Variants in RPRD1A observed in about 807,000 individuals in gnomAD.
RPRD1A encodes the protein regulation of nuclear pre-mRNA domain containing 1A, also known as regulation of nuclear pre-mRNA domain-containing protein 1A.
RPRD1A carries 9 observed loss-of-function variants against 37.8 expected under a neutral mutation model. The observed-to-expected ratio is 0.24, with a 90% CI of 0.14 to 0.42. The LOEUF is 0.42. Among genes scored for constraint, RPRD1A ranks in the 10% least tolerant of loss-of-function variants. The pLI is 1.00. For synonymous variants in RPRD1A, 138 were observed against 139.7 expected (o/e 0.99, Z 0.08); for missense variants, 255 against 371.0 (o/e 0.69, Z 2.57).
intron 1 of RPRD1A, among the ~76,000 whole-genome samples, chr18:36,043,760 T>C (rs935655674): frequency 6.6e-6 from 1 of 152,238 alleles, no homozygotes; most frequent in Non-Finnish European, 1.5e-5. Flanking sequence ...GTTTATTATG[T>C]ATCTCATTTA....
intron 1 of RPRD1A, chr18:36,062,967 T>C (rs1304341075): frequency 1.3e-5 from 2 of 152,158 alleles, no homozygotes; most frequent in South Asian, 4.1e-4. Flanking sequence ...AGTAACAAAA[T>C]GGTCACTTAC....
At chr18:36,047,906 CT>C (rs1313504759) in intron 1 of RPRD1A, among the ~76,000 whole-genome samples, 5 of 152,038 alleles carry the variant, frequency 3.3e-5, no homozygotes, top group African/African-American at 1.2e-4. Flanking sequence ...TTTAAAGAAT[CT>C]TTAAAATTCT....
intron 6 of RPRD1A, among the ~76,000 whole-genome samples, chr18:35,998,222 G>C (rs761437595): frequency 5.9e-5 from 9 of 152,072 alleles, no homozygotes; most frequent in Admixed American, 4.6e-4. Flanking sequence ...AGCTGGGTGT[G>C]GTGGCGGCAC....
intron 1 of RPRD1A, among the ~76,000 whole-genome samples, chr18:36,059,138 T>C (rs1202426914): frequency 6.6e-6 from 1 of 152,132 alleles, no homozygotes; most frequent in African/African-American, 2.4e-5. Flanking sequence ...TTACAATGTG[T>C]CCATTTGTAA....
At position 36,019,102 on chromosome 18, in the gene RPRD1A, A is replaced by ATTTTTT. The variant is rs946306446; in HGVS notation, c.789+7792_789+7797dup. On this transcript the variant is annotated intron_variant, in intron 6 of 6. Transcript: ENST00000399022. The stretch of plus-strand genomic sequence containing the variant: ...TCCAAAAGTGTAATGGGGACCATTG[A>ATTTTTT]TTTTTTTTTTTTTTTTTTTTTTGGA... Among the ~76,000 whole-genome samples, 10 of 118,532 alleles carry ATTTTTT rather than the reference A, an allele frequency of 8.4e-5. No homozygotes were observed. In the East Asian group the frequency reaches 1.2e-3, roughly 14 times the overall value. 77.8% of individuals were successfully genotyped at this position (118,532 alleles called of 152,430 possible).
At chr18:36,026,820 A>G in intron 6 of RPRD1A, 80 bp downstream of exon 6, 1 of 1,350,412 alleles carries the variant, frequency 7.4e-7, no homozygotes, top group South Asian at 1.5e-5. Context: ...CAAAATGTGC[A>G]CATAGATTAA....
intron 1 of RPRD1A, among the ~76,000 whole-genome samples, chr18:36,064,723 G>C (rs115347092): frequency 1.3e-5 from 2 of 152,106 alleles, no homozygotes; most frequent in East Asian, 1.9e-4. Flanking sequence ...AATAAAAGCA[G>C]GCCACCCAAA....
chr18:36,053,684 G>C (rs1913558004), intron 1 of RPRD1A, among the ~76,000 whole-genome samples: 2 of 152,152 alleles, frequency 1.3e-5, no homozygotes, highest in African/African-American at 4.8e-5. Flanking sequence ...ATATACCTAG[G>C]AGTGAAATTA....
At chr18:36,010,453 A>G (rs995040946) in intron 6 of RPRD1A, among the ~76,000 whole-genome samples, 8 of 152,208 alleles carry the variant, frequency 5.3e-5, no homozygotes, top group Non-Finnish European at 1.0e-4. Flanking sequence ...TGATCGTGCC[A>G]CTGCACTCCA....
chr18:35,993,439 AT>A (rs1908833621), intron 6 of RPRD1A, 139 bp from the exon 7 acceptor site: 1 of 765,524 alleles, frequency 1.3e-6, no homozygotes, highest in Admixed American at 3.3e-5. Context: ...GAGTTTTCAC[AT>A]CAAAAGATGA....
At chr18:36,039,170 T>C (rs1036586352) in intron 1 of RPRD1A, among the ~76,000 whole-genome samples, 2 of 152,158 alleles carry the variant, frequency 1.3e-5, no homozygotes, top group South Asian at 2.1e-4. Flanking sequence ...CCAAATCTCA[T>C]GTCAAATTAT....
chr18:36,039,320 T>G (rs1912423151), intron 1 of RPRD1A, among the ~76,000 whole-genome samples: 1 of 152,206 alleles, frequency 6.6e-6, no homozygotes. Flanking sequence ...TATAGCAATG[T>G]GAGAGGAGAC....
chr18:35,997,889 A>G (rs1361193137), intron 6 of RPRD1A, among the ~76,000 whole-genome samples: 1 of 152,224 alleles, frequency 6.6e-6, no homozygotes, highest in Non-Finnish European at 1.5e-5. Flanking sequence ...ACTATTTTCC[A>G]AACTTCAATT....
At chr18:36,037,485 A>G (rs1377112143) in intron 1 of RPRD1A, among the ~76,000 whole-genome samples, 1 of 152,194 alleles carries the variant, frequency 6.6e-6, no homozygotes. Context: ...GAGTCAATTA[A>G]ATCTCTTTCC....
intron 4 of RPRD1A, 139 bp from the exon 5 acceptor site, chr18:36,027,449 A>C: frequency 1.2e-6 from 1 of 817,046 alleles, no homozygotes; most frequent in Non-Finnish European, 1.9e-6. Flanking sequence ...AAGACAATCA[A>C]TTTCTTTCAT....
chr18:36,047,349 T>C (rs1456273576), intron 1 of RPRD1A, among the ~76,000 whole-genome samples: 1 of 152,040 alleles, frequency 6.6e-6, no homozygotes, highest in Non-Finnish European at 1.5e-5. Flanking sequence ...AAATTCTGAA[T>C]ACCAAAGGTA....
chr18:36,037,676 G>T (rs921122521), intron 1 of RPRD1A, among the ~76,000 whole-genome samples: 1 of 152,208 alleles, frequency 6.6e-6, no homozygotes, highest in Non-Finnish European at 1.5e-5. Context: ...AAAACAGAAA[G>T]ATGTGGGAAA....
rs778636902 is a variant in RPRD1A at position 36,031,009 on chromosome 18, G to C, written c.370C>G (p.Gln124Glu). 6.3e-7 allele frequency: 1 copy of C among 1,595,878 alleles called. No homozygotes were observed. The highest frequency in any genetic ancestry group is 1.1e-5 in the South Asian group (1 of 87,022). Reference sequence around the variant, plus strand: ...CACTTACACAGAGCTTGTTTAAGTTGTTCTAATACATCATTTTCATAAACA... The same window carrying C: ...CACTTACACAGAGCTTGTTTAAGTTCTTCTAATACATCATTTTCATAAACA... ...RSVYENDVLE[Q>E]LKQALYGDKK... The change falls in exon 3 of 7, where the codon CAA becomes GAA. Residue 124 changes from glutamine to glutamate, a missense_variant. Transcript: ENST00000399022.
intron 6 of RPRD1A, among the ~76,000 whole-genome samples, chr18:36,008,200 T>C (rs1250097430): frequency 6.6e-6 from 1 of 152,182 alleles, no homozygotes; most frequent in Non-Finnish European, 1.5e-5. Flanking sequence ...AGGCATTGTC[T>C]GTATTTTAAT....
Sources: gnomAD v4.1 joint callset for allele counts (sites outside exome capture counted in the v4.1 genomes callset) on GRCh38, gnomAD v4.1.1 for gene constraint, MANE v1.5 for transcripts, NCBI Gene and HGNC (gene_info 2026-07-23, HGNC 2026-07-21) for gene names.